LRP1B: variants seen among roughly 807,000 people sequenced by gnomAD.
LRP1B encodes the protein low-density lipoprotein receptor-related protein 1B.
A neutral mutation model predicts 556.6 loss-of-function variants in LRP1B; 217 were observed. That is an observed-to-expected ratio of 0.39 (90% CI 0.35 to 0.44). LRP1B has a LOEUF of 0.44. LRP1B is among the 20% of genes least tolerant of loss of function. The pLI, the probability that LRP1B is intolerant of heterozygous loss-of-function variation, is 1.00. For missense variants in LRP1B, 5,053 were observed against 5,620.8 expected, an observed-to-expected ratio of 0.90 and a Z score of 3.23; for synonymous variants, 2,047 against 1,865.8, an observed-to-expected ratio of 1.10 and a Z score of -2.50.
At chr2:140,643,026 T>C (rs1193290459) in intron 41 of LRP1B, among the ~76,000 whole-genome samples, 1 of 151,914 alleles carries the variant, frequency 6.6e-6, no homozygotes, top group Non-Finnish European at 1.5e-5. Context: ...TGAACACATG[T>C]GTTTTATATG....
At chr2:141,802,925 T>G (rs1696054584) in intron 2 of LRP1B, among the ~76,000 whole-genome samples, 1 of 152,210 alleles carries the variant, frequency 6.6e-6, no homozygotes, top group South Asian at 2.1e-4. Flanking sequence ...TCCTGCAAGA[T>G]CGTTTGTTTA....
At chr2:141,964,792 A>G (rs1382015969) in intron 1 of LRP1B, among the ~76,000 whole-genome samples, 1 of 152,094 alleles carries the variant, frequency 6.6e-6, no homozygotes, top group Non-Finnish European at 1.5e-5. Context: ...AGAAACTACC[A>G]TCAGAGTGAA....
chr2:141,292,199 A>T (rs1420758393), intron 3 of LRP1B, among the ~76,000 whole-genome samples: 2 of 152,124 alleles, frequency 1.3e-5, no homozygotes, highest in Non-Finnish European at 2.9e-5. Context: ...ATGCCTGATG[A>T]TCTGAGGTGG....
intron 77 of LRP1B, among the ~76,000 whole-genome samples, chr2:140,344,701 A>G (rs1052978949): frequency 1.3e-5 from 2 of 151,524 alleles, no homozygotes; most frequent in Non-Finnish European, 3.0e-5. Context: ...TTTTAGATAC[A>G]AAAGAAAAAC....
intron 2 of LRP1B, among the ~76,000 whole-genome samples, chr2:141,632,007 G>C (rs556303124): frequency 6.6e-6 from 1 of 152,060 alleles, no homozygotes; most frequent in South Asian, 2.1e-4. Flanking sequence ...ACTGCAGCTT[G>C]AGCCTGGGAT....
At chr2:140,943,846 A>G (rs973296696) in intron 20 of LRP1B, among the ~76,000 whole-genome samples, 9 of 152,028 alleles carry the variant, frequency 5.9e-5, no homozygotes, top group Non-Finnish European at 1.2e-4. Flanking sequence ...ACAATCTAAT[A>G]TGACACATAA....
intron 3 of LRP1B, among the ~76,000 whole-genome samples, chr2:141,265,287 C>T (rs1030188534): frequency 6.6e-6 from 1 of 152,070 alleles, no homozygotes; most frequent in African/African-American, 2.4e-5. Context: ...CAGTTCAGGC[C>T]GCCCAGGAAG....
intron 25 of LRP1B, among the ~76,000 whole-genome samples, chr2:140,880,685 AG>A (rs1389159508): frequency 2.0e-5 from 3 of 152,148 alleles, no homozygotes; most frequent in Non-Finnish European, 2.9e-5. Context: ...GGCTAGTGTT[AG>A]GGCCTGTTTG....
At chr2:142,034,878 T>C (rs143964620) in intron 1 of LRP1B, among the ~76,000 whole-genome samples, 2 of 151,754 alleles carry the variant, frequency 1.3e-5, no homozygotes, top group African/African-American at 4.8e-5. Context: ...TGAATTAAAT[T>C]TATCAGATTT....
chr2:141,219,969 A>G (rs978659243), intron 6 of LRP1B, among the ~76,000 whole-genome samples: 2 of 152,202 alleles, frequency 1.3e-5, no homozygotes, highest in East Asian at 1.9e-4. Flanking sequence ...CACCAAGATG[A>G]GAAAGAATTA....
At chr2:141,855,745 C>T (rs1389295672) in intron 1 of LRP1B, among the ~76,000 whole-genome samples, 1 of 152,078 alleles carries the variant, frequency 6.6e-6, no homozygotes, top group African/African-American at 2.4e-5. Flanking sequence ...CTCCTCCTCC[C>T]TTACGCCACA....
chr2:141,678,236 GA>G (rs1409921147), intron 2 of LRP1B, among the ~76,000 whole-genome samples: 2 of 152,016 alleles, frequency 1.3e-5, no homozygotes, highest in Non-Finnish European at 2.9e-5. Context: ...AAATCAGTAG[GA>G]AAAGAATATC....
chr2:141,193,829 G>A lies in LRP1B; in HGVS notation c.851-5246C>T, dbSNP rs186133489. Among the ~76,000 whole-genome samples the A allele has an allele frequency of 3.1e-3, 476 of 151,540 alleles. 3 individuals carry two copies. Among genetic ancestry groups the A allele is most frequent in the African/African-American group, 0.011 (453 of 41,394 alleles). On this transcript the variant is annotated intron_variant, in intron 6 of 90. Transcript: ENST00000389484. ...TTGTTTGTCTTTTTTATGTCATTCT[G>A]AACCATTGTCTAACAAGGCCATCCA...
intron 12 of LRP1B, 97 bp downstream of exon 12, chr2:141,019,825 A>T: frequency 1.1e-6 from 1 of 905,794 alleles, no homozygotes; most frequent in Admixed American, 2.9e-5. Context: ...AAAATCAGCT[A>T]TACATATGGA....
At chr2:141,899,294 G>A (rs553998556) in intron 1 of LRP1B, among the ~76,000 whole-genome samples, 6 of 152,106 alleles carry the variant, frequency 3.9e-5, no homozygotes, top group East Asian at 3.9e-4. Context: ...CTGTCTTCTC[G>A]CAACATAAGA....
At chr2:140,497,519 A>T (rs934389197) in intron 55 of LRP1B, among the ~76,000 whole-genome samples, 10 of 151,156 alleles carry the variant, frequency 6.6e-5, no homozygotes, top group African/African-American at 1.2e-4. Flanking sequence ...ATAAATATTT[A>T]AAAAAAAAGA....
At chr2:140,449,779 A>G (rs1686811203) in intron 63 of LRP1B, among the ~76,000 whole-genome samples, 1 of 152,162 alleles carries the variant, frequency 6.6e-6, no homozygotes. Context: ...TTTGTGTAGT[A>G]CAAGCCTAAG....
chr2:141,618,999 T>C (rs1015688085), intron 2 of LRP1B, among the ~76,000 whole-genome samples: 1 of 152,114 alleles, frequency 6.6e-6, no homozygotes, highest in Admixed American at 6.6e-5. Flanking sequence ...TATAGGGAAG[T>C]TTCAAGGATT....
chr2:141,162,270 T>C (rs1680068896), intron 7 of LRP1B, among the ~76,000 whole-genome samples: 2 of 152,082 alleles, frequency 1.3e-5, no homozygotes, highest in East Asian at 3.9e-4. Flanking sequence ...GGAATAAAGT[T>C]ATAGCTACCC....
Sources: gnomAD v4.1 joint callset for allele counts (sites outside exome capture counted in the v4.1 genomes callset) on GRCh38, gnomAD v4.1.1 for gene constraint, MANE v1.5 for transcripts, NCBI Gene and HGNC (gene_info 2026-07-23, HGNC 2026-07-21) for gene names.